BMPR1A: variants seen among roughly 807,000 people sequenced by gnomAD.
BMPR1A encodes bone morphogenetic protein receptor type 1A.
Under a neutral mutation model 66.0 loss-of-function variants are expected in BMPR1A, and 7 were observed. The observed-to-expected ratio is 0.11, with a 90% CI of 0.06 to 0.20. The LOEUF is 0.20. Among genes scored for constraint, BMPR1A ranks in the 10% least tolerant of loss-of-function variants. BMPR1A has a pLI of 1.00. For synonymous variants in BMPR1A, 200 were observed against 229.7 expected, an observed-to-expected ratio of 0.87 and a Z score of 1.17; for missense variants, 408 against 669.1, an observed-to-expected ratio of 0.61 and a Z score of 4.31.
intron 2 of BMPR1A, among the ~76,000 whole-genome samples, chr10:86,860,353 C>A (rs1171330523): frequency 6.6e-6 from 1 of 152,010 alleles, no homozygotes; most frequent in Admixed American, 6.5e-5. Flanking sequence ...GAAAGTTTAA[C>A]AATATGTAAG....
chr10:86,796,695 G>T (rs1158410599), intron 1 of BMPR1A, among the ~76,000 whole-genome samples: 1 of 151,684 alleles, frequency 6.6e-6, no homozygotes, highest in Non-Finnish European at 1.5e-5. Context: ...TTCCACCTCA[G>T]CCTCCCAAGT....
chr10:86,849,139 A>G (rs1842530630), intron 2 of BMPR1A, among the ~76,000 whole-genome samples: 1 of 152,208 alleles, frequency 6.6e-6, no homozygotes, highest in South Asian at 2.1e-4. Flanking sequence ...CTAGCATTTG[A>G]GAATCTTATG....
At chr10:86,901,754 G>C (rs1843313232) in intron 7 of BMPR1A, among the ~76,000 whole-genome samples, 1 of 152,166 alleles carries the variant, frequency 6.6e-6, no homozygotes, top group African/African-American at 2.4e-5. Flanking sequence ...TTGCCAGTAA[G>C]ACAGGTGATA....
intron 1 of BMPR1A, among the ~76,000 whole-genome samples, chr10:86,776,392 A>T (rs1167517646): frequency 6.6e-6 from 1 of 152,220 alleles, no homozygotes; most frequent in African/African-American, 2.4e-5. Context: ...AAGTAAAGAA[A>T]AATTCAAAGT....
Position 86,810,777 on chromosome 10 carries a change from A to G in BMPR1A, c.-267-28088A>G, listed in dbSNP as rs1005767102. The stretch of plus-strand genomic sequence containing the variant: ...TTTCTCTTTTTATTGTTGAATTTCA[A>G]TGGTTCTTTATATATTCCAGATACA... On this transcript the variant is annotated intron_variant, in intron 1 of 12. Transcript: ENST00000372037. Among the ~76,000 whole-genome samples the G allele has an allele frequency of 6.6e-5, 10 of 152,268 alleles. No homozygotes were observed. In the East Asian group the frequency reaches 7.7e-4, roughly 12 times the overall value.
rs141596719 is a variant in BMPR1A at position 86,815,865 on chromosome 10, T to G, written c.-267-23000T>G. 3.0e-4 allele frequency among the ~76,000 whole-genome samples: 46 copies of G among 152,300 alleles called. 1 individual carries two copies. The highest frequency in any genetic ancestry group is 1.2e-3 in the South Asian group (6 of 4,822). ...GGATCAGGTGACTGATGCTGGCCAG[T>G]GGACTTTGAGGGAGGTTGTGTTACT... On this transcript the variant is annotated intron_variant, in intron 1 of 12. Coordinates refer to ENST00000372037, the MANE Select transcript of BMPR1A (RefSeq NM_004329.3).
intron 2 of BMPR1A, among the ~76,000 whole-genome samples, chr10:86,844,503 G>C (rs1044540104): frequency 1.3e-5 from 2 of 152,272 alleles, no homozygotes; most frequent in East Asian, 1.9e-4. Context: ...CTGTCCATTA[G>C]AGAAATATTG....
At chr10:86,760,224 TTTTC>T (rs578087418) in intron 1 of BMPR1A, among the ~76,000 whole-genome samples, 1,803 of 88,974 alleles carry the variant, frequency 0.02, 63 homozygotes, top group African/African-American at 0.041. Flanking sequence ...CCTTATTGTT[TTTTC>T]TTTCTTTCTT....
chr10:86,867,948 T>C (rs1170415502), intron 2 of BMPR1A, among the ~76,000 whole-genome samples: 1 of 152,184 alleles, frequency 6.6e-6, no homozygotes, highest in Non-Finnish European at 1.5e-5. Context: ...CTTGTTTTGA[T>C]TGTTAATTAA....
At chr10:86,883,557 A>G (rs1444876484) in intron 3 of BMPR1A, among the ~76,000 whole-genome samples, 1 of 147,188 alleles carries the variant, frequency 6.8e-6, no homozygotes, top group Non-Finnish European at 1.5e-5. Flanking sequence ...CTCAAAAAAA[A>G]AAAAAAAAAA....
intron 5 of BMPR1A, among the ~76,000 whole-genome samples, chr10:86,899,000 C>G (rs919542619): frequency 6.6e-6 from 1 of 152,148 alleles, no homozygotes; most frequent in Non-Finnish European, 1.5e-5. Context: ...GTCACAGGCT[C>G]ATGTTTACCT....
intron 7 of BMPR1A, among the ~76,000 whole-genome samples, chr10:86,910,751 T>C (rs140465643): frequency 6.6e-6 from 1 of 152,320 alleles, no homozygotes; most frequent in East Asian, 1.9e-4. Flanking sequence ...AATTTGTTTC[T>C]TAGTTTCCAT....
chr10:86,931,336 T>C (rs1843809539), downstream of BMPR1A: 1 of 140,424 alleles, frequency 7.1e-6, no homozygotes, highest in South Asian at 2.2e-4. Context: ...GAAGAAAATA[T>C]TGGGCCCCCT....
intron 1 of BMPR1A, among the ~76,000 whole-genome samples, chr10:86,757,458 C>G (rs1847894551): frequency 6.6e-6 from 1 of 152,170 alleles, no homozygotes; most frequent in Non-Finnish European, 1.5e-5. Context: ...CCTGGTGATT[C>G]CGTACTTCAG....
chr10:86,870,068 T>C (rs760709279), intron 2 of BMPR1A, among the ~76,000 whole-genome samples: 2 of 152,214 alleles, frequency 1.3e-5, no homozygotes, highest in Non-Finnish European at 2.9e-5. Context: ...GTGTATGTGG[T>C]GTTAACGCCT....
chr10:86,893,289 A>C (rs1007959519), intron 5 of BMPR1A, among the ~76,000 whole-genome samples: 2 of 152,196 alleles, frequency 1.3e-5, no homozygotes, highest in Admixed American at 1.3e-4. Context: ...GAGCTCTTTA[A>C]AAGCAGCAGC....
chr10:86,806,966 A>G (rs1841896698), intron 1 of BMPR1A, among the ~76,000 whole-genome samples: 1 of 152,116 alleles, frequency 6.6e-6, no homozygotes, highest in South Asian at 2.1e-4. Flanking sequence ...CTTTAAAAAA[A>G]AATAAAGAGC....
At position 86,923,266 on chromosome 10, in the gene BMPR1A, C is replaced by T. The variant is rs1843693350; in HGVS notation, c.1343-110C>T. The T allele has an allele frequency of 2.8e-6, 4 of 1,444,596 alleles. No homozygotes were observed. The Admixed American group carries it at 5.3e-5, about 19-fold the overall frequency. 89.5% of individuals were successfully genotyped at this position (1,444,596 alleles called of 1,614,324 possible). On this transcript the variant is annotated intron_variant, in intron 11 of 12. Transcript: ENST00000372037. ...GTGAATCATAGTGTCTATATTTTTT[C>T]TTGTGTAAGAATCCGTTTTAGTTCC... is the stretch of plus-strand genomic sequence containing the variant.
Position 86,926,371 on chromosome 10 carries a change from TCAGC to T in BMPR1A, c.*2656_*2659del, listed in dbSNP as rs1356741600. On this transcript the variant is annotated 3_prime_UTR_variant, in exon 13 of 13. Transcript: ENST00000372037. ...CCCATCTCTACTAAAAATAAAAAAC[TCAGC>T]CAGGCGTGGTGGCGGGTGCCTGTAA... 6.5e-6 allele frequency: 1 copy of T among 153,720 alleles called. No homozygotes were observed. Among genetic ancestry groups the T allele is most frequent in the Non-Finnish European group, 1.4e-5 (1 of 69,136 alleles). The allele number at this position is 153,720 out of a possible 1,614,324, so 9.5% of individuals were successfully genotyped here.
Sources: allele counts gnomAD v4.1 joint callset (sites outside exome capture counted in the v4.1 genomes callset), GRCh38; gene constraint gnomAD v4.1.1; transcripts MANE v1.5; gene names NCBI Gene and HGNC (gene_info 2026-07-23, HGNC 2026-07-21).